The following CCNE1 variants were observed in gnomAD, a reference collection of about 807,000 sequenced individuals.
The protein encoded by CCNE1 is cyclin E1, also known as G1/S-specific cyclin-E1.
CCNE1 carries 8 observed loss-of-function variants against 54.1 expected under a neutral mutation model. The ratio of observed to expected loss-of-function variants is 0.15; its 90% CI spans 0.09 to 0.27. The LOEUF (loss-of-function observed/expected upper bound fraction) is 0.27. CCNE1 is among the 10% of genes least tolerant of loss of function. The pLI, the probability that CCNE1 is intolerant of heterozygous loss-of-function variation, is 1.00. For synonymous variants in CCNE1, 179 were observed against 185.2 expected (o/e 0.97, Z 0.27); for missense variants, 430 against 514.9 (o/e 0.84, Z 1.60).
intron 4 of CCNE1, among the ~76,000 whole-genome samples, chr19:29,815,325 G>A (rs1345856157): frequency 1.3e-5 from 2 of 152,198 alleles, no homozygotes; most frequent in African/African-American, 4.8e-5. Context: ...TTAAGGAAAT[G>A]CCACCCGCAC....
In CCNE1 at chr19:29,820,714, T is replaced by A. The variant is rs2145726791; in HGVS notation, c.475T>A (p.Tyr159Asn). Residue 159 changes from tyrosine (Y) to asparagine (N), a missense_variant, in exon 7 of 12, where the codon TAT (tyrosine) becomes AAT (asparagine). By Grantham distance (143) the Tyr-to-Asn change is moderately radical (BLOSUM62 -2). Around this residue, in one of 2 missense-constraint regions of CCNE1, gnomAD observed 303 missense variants for 401.1 expected, o/e 0.76. Transcript: ENST00000262643. Reference sequence around the variant, plus strand: ...AATATGTTTTCAGGTGTGTGAAGTCTATAAACTTCACAGGGAGACCTTTTA... The same window carrying A: ...AATATGTTTTCAGGTGTGTGAAGTCAATAAACTTCACAGGGAGACCTTTTA... ...LDWLMEVCEVYKLHRETFYLA... is the reference protein window; with the variant it reads ...LDWLMEVCEVNKLHRETFYLA... The A allele has an allele frequency of 6.2e-7, 1 of 1,611,708 alleles. No individual in the cohort carries two copies. The highest frequency in any genetic ancestry group is 8.5e-7 in the Non-Finnish European group (1 of 1,178,396).
At chr19:29,816,376 G>T in intron 4 of CCNE1, among the ~76,000 whole-genome samples, 1 of 152,220 alleles carries the variant, frequency 6.6e-6, no homozygotes, top group Middle Eastern at 3.4e-3. Flanking sequence ...ACCTTTAAAA[G>T]AAAAGCATAG....
chr19:29,820,206 T>C (rs1226539390), intron 6 of CCNE1, among the ~76,000 whole-genome samples: 1 of 152,146 alleles, frequency 6.6e-6, no homozygotes, highest in Non-Finnish European at 1.5e-5. Context: ...ATGATTCACA[T>C]CCTAGGCAGG....
In CCNE1 at chr19:29,812,662, C is replaced by G. The variant is rs768485998; in HGVS notation, c.24-27C>G. On this transcript the variant is annotated intron_variant, in intron 2 of 11. Transcript: ENST00000262643. Reference sequence around the variant, plus strand: ...GGGAGGGGCGGCCGCGGGTGCTCACCCGGCCCGGTGCCACCCGGGTCCACA... The same window carrying G: ...GGGAGGGGCGGCCGCGGGTGCTCACGCGGCCCGGTGCCACCCGGGTCCACA... 159 of 1,569,680 alleles carry G rather than the reference C, an allele frequency of 1.0e-4. 3 individuals are homozygous for G. In the South Asian group the frequency reaches 1.4e-3, roughly 14 times the overall value.
At chr19:29,822,733 C>T in intron 11 of CCNE1, 130 bp downstream of exon 11, 2 of 848,570 alleles carry the variant, frequency 2.4e-6, no homozygotes, top group Non-Finnish European at 3.7e-6. Flanking sequence ...CACTTGAGGC[C>T]AGGAGTTCAA....
intron 4 of CCNE1, among the ~76,000 whole-genome samples, chr19:29,815,570 A>G (rs2145719378): frequency 6.7e-6 from 1 of 149,570 alleles, no homozygotes; most frequent in South Asian, 2.1e-4. Context: ...ACTTTCATTT[A>G]TAGTGACCCC....
At chr19:29,814,704 C>G (rs1293641099) in intron 4 of CCNE1, among the ~76,000 whole-genome samples, 4 of 152,158 alleles carry the variant, frequency 2.6e-5, no homozygotes, top group African/African-American at 9.7e-5. Context: ...TAATTCCCCC[C>G]AGTACGACAG....
In CCNE1 at chr19:29,814,453, G is replaced by A. The variant is rs555504100; in HGVS notation, c.180+1416G>A. 5.3e-5 allele frequency among the ~76,000 whole-genome samples: 8 copies of A among 152,208 alleles called. 1 individual carries two copies. Among genetic ancestry groups the A allele is most frequent in the African/African-American group, 1.9e-4 (8 of 41,488 alleles). On this transcript the variant is annotated intron_variant, in intron 4 of 11. Coordinates refer to ENST00000262643, the MANE Select transcript of CCNE1 (RefSeq NM_001238.4). ...GGCTCTGTCCCCTGGCCACAGTGTG[G>A]ATAGCTGTGCTGCCGGAATAGCCAT...
At chr19:29,817,920 G>T (rs925033860) in intron 6 of CCNE1, among the ~76,000 whole-genome samples, 1 of 140,188 alleles carries the variant, frequency 7.1e-6, no homozygotes, top group African/African-American at 2.7e-5. Context: ...GAGTGCAGTG[G>T]CACAATCTCA....
At chr19:29,821,612 GC>G (rs1974147928) in intron 7 of CCNE1, 109 bp from the exon 8 acceptor site, 1 of 413,534 alleles carries the variant, frequency 2.4e-6, no homozygotes, top group Non-Finnish European at 4.5e-6. Flanking sequence ...CCATCAGTGC[GC>G]CCTCTCTCTT....
chr19:29,821,547 C>CTTTT (rs35368977), intron 7 of CCNE1, among the ~76,000 whole-genome samples, 175 bp from the exon 8 acceptor site: 1 of 110,442 alleles, frequency 9.1e-6, no homozygotes, highest in Non-Finnish European at 1.8e-5. Context: ...GAGTTGTGTT[C>CTTTT]TTTTTTTTTT....
intron 4 of CCNE1, among the ~76,000 whole-genome samples, chr19:29,815,394 A>G (rs957467978): frequency 1.8e-4 from 27 of 152,210 alleles, no homozygotes; most frequent in Non-Finnish European, 5.9e-5. Context: ...AGGAGCTGTC[A>G]TGGATAATTT....
chr19:29,822,698 C>G (rs1857510242), intron 11 of CCNE1, 95 bp downstream of exon 11: 1 of 1,249,530 alleles, frequency 8.0e-7, no homozygotes, highest in Admixed American at 2.2e-5. Flanking sequence ...AAACCCAGCA[C>G]TTTGGGAGGC....
intron 9 of CCNE1, 54 bp from the exon 10 acceptor site, chr19:29,822,186 C>T: frequency 6.2e-7 from 1 of 1,611,890 alleles, no homozygotes; most frequent in South Asian, 1.1e-5. Context: ...GAGTGAGGAA[C>T]TCTAGAATAG....
At chr19:29,821,974 T>G (rs1974158978) in intron 8 of CCNE1, 22 bp from the exon 9 acceptor site, 1 of 1,600,868 alleles carries the variant, frequency 6.2e-7, no homozygotes, top group Admixed American at 1.7e-5. Flanking sequence ...CATCGGTCTC[T>G]TTTCTCTCTG....
rs1309245893 is a variant in CCNE1, at chr19:29,812,595, C to T, written c.23+17C>T. ...CAGGGAGCGGTGAGTGCCCGCGCCG[C>T]GGGGCCGGACGGGACGGGACGGGAC... On this transcript the variant is annotated intron_variant, in intron 2 of 11. Transcript: ENST00000262643. 8.5e-6 allele frequency: 13 copies of T among 1,527,266 alleles called. No individual in the cohort carries two copies. The South Asian group carries it at 1.5e-4, about 17-fold the overall frequency. The allele number at this position is 1,527,266 out of a possible 1,614,324, so 94.6% of individuals were successfully genotyped here. A position where few individuals can be genotyped will look rare whatever the true frequency, so the allele number is the denominator to read the frequency against.
chr19:29,813,060 C>G (rs772628310), intron 4 of CCNE1, 23 bp downstream of exon 4: 1 of 1,610,480 alleles, frequency 6.2e-7, no homozygotes, highest in Non-Finnish European at 8.5e-7. Flanking sequence ...GGGGTTGGGC[C>G]TCTGTGGAGG....
chr19:29,816,383 A>G (rs1283344291), intron 4 of CCNE1, among the ~76,000 whole-genome samples: 1 of 152,236 alleles, frequency 6.6e-6, no homozygotes, highest in Admixed American at 6.5e-5. Context: ...AAAGAAAAGC[A>G]TAGTGCTTTG....
rs748544494 is a variant in CCNE1 at position 29,822,240 on chromosome 19, C to T, written c.841C>T (p.Leu281=). ...CTCAGCGTTCTTTTCTTCTCCGTAG[C>T]TGTTGGATCTCTGTGTCCTGGATGT... The part of the protein sequence containing the change: ...PQQIFIQIAE[L]LDLCVLDVDC... The change falls in exon 10 of 12, where the codon CTG becomes TTG. Residue 281 remains leucine, a splice_region_variant and synonymous_variant. Coordinates refer to ENST00000262643, the MANE Select transcript of CCNE1 (RefSeq NM_001238.4). 10 of 1,612,980 alleles carry T rather than the reference C, an allele frequency of 6.2e-6. No homozygotes were observed. The highest frequency in any genetic ancestry group is 8.5e-6 in the Non-Finnish European group (10 of 1,179,172).
Sources: gnomAD v4.1 joint callset for allele counts (sites outside exome capture counted in the v4.1 genomes callset) on GRCh38, gnomAD v4.1.1 for gene constraint, gnomAD v4.1.1 regional missense constraint, MANE v1.5 for transcripts, NCBI Gene and HGNC (gene_info 2026-07-23, HGNC 2026-07-21) for gene names.